ZNF609: variants seen among roughly 807,000 people sequenced by gnomAD.
ZNF609 encodes the protein zinc finger protein 609.
ZNF609 carries 11 observed loss-of-function variants against 109.5 expected under a neutral mutation model. That is an observed-to-expected ratio of 0.10 (90% CI 0.06 to 0.17). The LOEUF (loss-of-function observed/expected upper bound fraction) is 0.17, where lower values mean the gene tolerates loss of function less well. ZNF609 is among the 10% of genes least tolerant of loss of function. ZNF609 has a pLI of 1.00. For synonymous variants in ZNF609, 646 were observed against 662.0 expected (o/e 0.98, Z 0.37); for missense variants, 1,559 against 1,772.4 (o/e 0.88, Z 2.16).
At position 64,680,373 on chromosome 15, in the gene ZNF609, C is replaced by T. The variant is rs184878825; in HGVS notation, c.3945+13C>T. 173 of 1,612,564 alleles carry T rather than the reference C, an allele frequency of 1.1e-4. No homozygotes were observed. The African/African-American group carries it at 2.2e-3, about 20-fold the overall frequency. Reference sequence around the variant, plus strand: ...CAAGTCTCCCACGGTAAGAAAAGTACAGTGATGCTGGCTGTTACCCAAAGA... The same window carrying T: ...CAAGTCTCCCACGGTAAGAAAAGTATAGTGATGCTGGCTGTTACCCAAAGA... On this transcript the variant is annotated intron_variant, in intron 7 of 9. Transcript: ENST00000326648.
chr15:64,524,012 GTT>G (rs891569884), intron 2 of ZNF609, among the ~76,000 whole-genome samples: 1 of 138,374 alleles, frequency 7.2e-6, no homozygotes. Flanking sequence ...GGTTATACGG[GTT>G]TTTTTTTTTT....
chr15:64,595,812 G>T (rs1354820550), intron 2 of ZNF609, among the ~76,000 whole-genome samples: 1 of 152,088 alleles, frequency 6.6e-6, no homozygotes, highest in African/African-American at 2.4e-5. Flanking sequence ...GTCTTAAATG[G>T]GTTTGAGGAT....
chr15:64,527,767 T>C (rs1211943259), intron 2 of ZNF609, among the ~76,000 whole-genome samples: 1 of 152,212 alleles, frequency 6.6e-6, no homozygotes, highest in African/African-American at 2.4e-5. Context: ...TTTCCCTCAC[T>C]GCTCACATCT....
At chr15:64,528,901 G>T in intron 2 of ZNF609, 1 of 1,047,314 alleles carries the variant, frequency 9.5e-7, no homozygotes, top group Non-Finnish European at 1.5e-6. Context: ...CCACCTTCTT[G>T]ATGTCATCAT....
At chr15:64,577,509 GTA>G (rs1157746912) in intron 2 of ZNF609, among the ~76,000 whole-genome samples, 11 of 43,926 alleles carry the variant, frequency 2.5e-4, no homozygotes, top group South Asian at 1.2e-3. Context: ...ACATATATAT[GTA>G]TATATATACA....
chr15:64,547,906 T>A (rs547820650), intron 2 of ZNF609, among the ~76,000 whole-genome samples: 3 of 152,230 alleles, frequency 2.0e-5, no homozygotes, highest in South Asian at 2.1e-4. Context: ...TAGAGAAATA[T>A]ATTGATTTTA....
rs2083218568 is a variant in ZNF609, at chr15:64,682,830, G to A, written c.*1144G>A. 6.6e-6 allele frequency: 1 copy of A among 152,538 alleles called. No homozygotes were observed. Among genetic ancestry groups the A allele is most frequent in the South Asian group, 2.1e-4 (1 of 4,832 alleles). The allele number at this position is 152,538 out of a possible 1,614,324, so 9.4% of individuals were successfully genotyped here. ...GTCTACAAGTACATGATTTTATATA[G>A]CTCAGTCTATAACCTCCATGTGGGC... is the stretch of plus-strand genomic sequence containing the variant. On this transcript the variant is annotated 3_prime_UTR_variant, in exon 10 of 10. Transcript: ENST00000326648.
Position 64,676,338 on chromosome 15 carries a change from G to C in ZNF609, c.3402+82G>C. ...CACAAATAAGGGCTGTCCTTATACA[G>C]GGGTTCAACGGAATTGAGATTAGCA... On this transcript the variant is annotated intron_variant, in intron 5 of 9. Transcript: ENST00000326648. 8.4e-6 allele frequency: 11 copies of C among 1,303,060 alleles called. No homozygotes were observed. The South Asian group carries it at 1.6e-4, about 19-fold the overall frequency. 80.7% of individuals were successfully genotyped at this position (1,303,060 alleles called of 1,614,324 possible). A position where few individuals can be genotyped will look rare whatever the true frequency, so the allele number is the denominator to read the frequency against.
chr15:64,626,508 C>A (rs1407440149), intron 3 of ZNF609, among the ~76,000 whole-genome samples: 1 of 152,086 alleles, frequency 6.6e-6, no homozygotes, highest in Non-Finnish European at 1.5e-5. Flanking sequence ...CTTTGTCCAG[C>A]AAACTACACT....
At chr15:64,466,806 C>T (rs1243932473) in intron 1 of ZNF609, among the ~76,000 whole-genome samples, 1 of 152,082 alleles carries the variant, frequency 6.6e-6, no homozygotes, top group Non-Finnish European at 1.5e-5. Context: ...TACCTTTCCC[C>T]CACCCCCATC....
At chr15:64,513,269 A>G (rs558568074) in intron 2 of ZNF609, among the ~76,000 whole-genome samples, 43 of 152,178 alleles carry the variant, frequency 2.8e-4, no homozygotes, top group Non-Finnish European at 5.1e-4. Context: ...ATTAGACTAG[A>G]TCTTAATTTC....
chr15:64,653,667 A>C (rs566768117), intron 3 of ZNF609, among the ~76,000 whole-genome samples: 2 of 151,846 alleles, frequency 1.3e-5, no homozygotes, highest in African/African-American at 4.8e-5. Context: ...AATAAATAAA[A>C]AATAAACTTC....
chr15:64,612,234 G>A (rs1307431142), intron 2 of ZNF609, among the ~76,000 whole-genome samples: 2 of 150,366 alleles, frequency 1.3e-5, no homozygotes, highest in Admixed American at 6.6e-5. Context: ...TGCAAGCTCC[G>A]CCTCCCAGGT....
chr15:64,493,171 G>A (rs1893437883), intron 1 of ZNF609, among the ~76,000 whole-genome samples: 1 of 152,058 alleles, frequency 6.6e-6, no homozygotes, highest in Non-Finnish European at 1.5e-5. Flanking sequence ...TTCTTGGATG[G>A]ATACAGAGAT....
chr15:64,573,312 A>G (rs146733235), intron 2 of ZNF609, among the ~76,000 whole-genome samples: 62 of 150,224 alleles, frequency 4.1e-4, no homozygotes, highest in Non-Finnish European at 7.5e-4. Context: ...AAGCAGTGCA[A>G]GTAATTCTGC....
intron 2 of ZNF609, among the ~76,000 whole-genome samples, chr15:64,544,810 G>A (rs1894328693): frequency 6.6e-6 from 1 of 152,160 alleles, no homozygotes; most frequent in Admixed American, 6.5e-5. Context: ...ATACAGGGCA[G>A]GTACATTGAT....
chr15:64,613,664 C>T (rs1338231729), intron 2 of ZNF609, among the ~76,000 whole-genome samples: 2 of 152,068 alleles, frequency 1.3e-5, no homozygotes, highest in Non-Finnish European at 2.9e-5. Flanking sequence ...GATTCTCCTG[C>T]CTCAGCCTCC....
rs186969029 is a variant in ZNF609 at position 64,659,223 on chromosome 15, T to C, written c.974-11123T>C. ...ACGCGTTTTTAGTTTTTTAAAAGTTTTTTATTGGACATTTACCACACACAC... is the reference window on the plus strand; with the variant it reads ...ACGCGTTTTTAGTTTTTTAAAAGTTCTTTATTGGACATTTACCACACACAC... On this transcript the variant is annotated intron_variant, in intron 3 of 9. Transcript: ENST00000326648. Among the ~76,000 whole-genome samples the C allele has an allele frequency of 8.7e-4, 132 of 152,300 alleles. 1 individual carries two copies. The highest frequency in any genetic ancestry group is 3.0e-3 in the African/African-American group (124 of 41,554).
intron 1 of ZNF609, among the ~76,000 whole-genome samples, chr15:64,482,764 G>A (rs568479264): frequency 7.9e-5 from 12 of 152,192 alleles, no homozygotes; most frequent in Non-Finnish European, 1.6e-4. Context: ...GTTGTTACCA[G>A]TAGACATTGT....
Sources: gnomAD v4.1 joint callset for allele counts (sites outside exome capture counted in the v4.1 genomes callset) on GRCh38, gnomAD v4.1.1 for gene constraint, MANE v1.5 for transcripts, NCBI Gene and HGNC (gene_info 2026-07-23, HGNC 2026-07-21) for gene names.